Variants in CTPS2 observed in about 807,000 individuals in gnomAD.
CTPS2 encodes the protein CTP synthase 2.
CTPS2 carries 19 observed loss-of-function variants against 46.8 expected under a neutral mutation model. That is an observed-to-expected ratio of 0.41 (90% confidence interval 0.28 to 0.60). CTPS2 has a LOEUF of 0.60. Ranked by LOEUF, CTPS2 falls within the 20% of genes least tolerant of loss-of-function variation. CTPS2 has a pLI of 0.35. For synonymous variants in CTPS2, 151 were observed against 165.2 expected (o/e 0.91, Z 0.66); for missense variants, 286 against 447.6 (o/e 0.64, Z 3.26).
At chrX:16,634,058 C>T (rs1274111499) in intron 14 of CTPS2, among the ~76,000 whole-genome samples, 1 of 111,359 alleles carries the variant, frequency 9.0e-6, no homozygotes, top group Admixed American at 9.6e-5. Flanking sequence ...CTCCTTAACG[C>T]GATTAAATAC....
At chrX:16,647,386 G>A (rs1932378511) in intron 13 of CTPS2, among the ~76,000 whole-genome samples, 1 of 103,377 alleles carries the variant, frequency 9.7e-6, no homozygotes, top group Non-Finnish European at 1.9e-5. Flanking sequence ...TCCTGCCTCA[G>A]TTTCCCGAGT....
At chrX:16,619,998 G>A (rs766953310) in intron 15 of CTPS2, among the ~76,000 whole-genome samples, 1 of 111,481 alleles carries the variant, frequency 9.0e-6, no homozygotes, top group African/African-American at 3.3e-5. Flanking sequence ...GAAGATGGCA[G>A]TTAGAGTAAC....
chrX:16,611,397 G>A (rs1260342329), intron 16 of CTPS2, among the ~76,000 whole-genome samples: 1 of 109,979 alleles, frequency 9.1e-6, no homozygotes. Context: ...GTTGCCATGA[G>A]CCATGATAAT....
chrX:16,657,322 C>T (rs1932844625), intron 13 of CTPS2, among the ~76,000 whole-genome samples: 1 of 108,726 alleles, frequency 9.2e-6, no homozygotes, highest in African/African-American at 3.4e-5. Context: ...TACCCATGCT[C>T]CCACCTCATC....
intron 10 of CTPS2, among the ~76,000 whole-genome samples, chrX:16,676,509 G>A (rs1003104974): frequency 1.8e-5 from 2 of 112,173 alleles, no homozygotes; most frequent in African/African-American, 6.5e-5. Flanking sequence ...AAAGCCTATT[G>A]AAAAATAATT....
rs145555439 is a variant in CTPS2 at position 16,604,449 on chromosome X, G to A, written c.1691+5092C>T. ...TGTAGTGATTGCTCCCAAGAGCCTT[G>A]CAGGCAGCCACAGAGACACACATGC... is the stretch of plus-strand genomic sequence containing the variant. On this transcript the variant is annotated intron_variant, in intron 17 of 18. Transcript: ENST00000359276. Among the ~76,000 whole-genome samples the A allele has an allele frequency of 3.6e-3, 407 of 112,019 alleles. 4 individuals are homozygous for A. Among genetic ancestry groups the A allele is most frequent in the African/African-American group, 0.013 (390 of 30,868 alleles).
chrX:16,650,856 C>T (rs747224810), intron 13 of CTPS2: 66 of 493,945 alleles, frequency 1.3e-4, no homozygotes, highest in Non-Finnish European at 1.9e-4. Flanking sequence ...TGGTGCCATT[C>T]CGACCCCGAC....
At chrX:16,630,251 ATTTT>A (rs148128965) in intron 14 of CTPS2, among the ~76,000 whole-genome samples, 5 of 77,254 alleles carry the variant, frequency 6.5e-5, no homozygotes, top group Admixed American at 1.5e-4. Context: ...GTTGTGTTGT[ATTTT>A]TTTTTTTTTT....
intron 13 of CTPS2, among the ~76,000 whole-genome samples, chrX:16,657,928 G>A (rs1011596726): frequency 2.7e-5 from 3 of 111,717 alleles, no homozygotes; most frequent in African/African-American, 9.8e-5. Context: ...AAAGGTGGCC[G>A]GGCGCAGTGG....
chrX:16,669,274 C>A (rs150332695), intron 11 of CTPS2, among the ~76,000 whole-genome samples: 1 of 111,464 alleles, frequency 9.0e-6, no homozygotes, highest in Admixed American at 9.6e-5. Flanking sequence ...TTCACCAATT[C>A]TCTCCACTAA....
chrX:16,626,596 T>G (rs1931164390), intron 14 of CTPS2, among the ~76,000 whole-genome samples: 2 of 111,434 alleles, frequency 1.8e-5, no homozygotes, highest in Admixed American at 1.9e-4. Flanking sequence ...ATTAAAAATT[T>G]TTAAAATAAA....
At position 16,651,285 on chromosome X, in the gene CTPS2, G is replaced by A. The variant is rs1421584325; in HGVS notation, c.1297-12042C>T. On this transcript the variant is annotated intron_variant, in intron 13 of 18. Coordinates refer to ENST00000359276, the MANE Select transcript of CTPS2 (RefSeq NM_175859.3). The stretch of plus-strand genomic sequence containing the variant: ...GTGGGGTTTCTTCCCCTTAAGTCAG[G>A]CCACATTTCAGAAGGCAAGCTCTCA... The A allele has an allele frequency of 7.5e-6, 4 of 530,300 alleles. No individual in the cohort carries two copies. The East Asian group carries it at 1.4e-4, about 19-fold the overall frequency. 43.7% of individuals were successfully genotyped at this position (530,300 alleles called of 1,213,427 possible). A position where few individuals can be genotyped will look rare whatever the true frequency, so the allele number is the denominator to read the frequency against.
At chrX:16,629,140 C>G (rs1245924824) in intron 14 of CTPS2, among the ~76,000 whole-genome samples, 3 of 112,472 alleles carry the variant, frequency 2.7e-5, no homozygotes, top group Non-Finnish European at 5.6e-5. Context: ...AGGCTGGGCT[C>G]TTAACCACTC....
At chrX:16,679,861 CTG>C (rs1466459009) in intron 9 of CTPS2, among the ~76,000 whole-genome samples, 1 of 111,706 alleles carries the variant, frequency 9.0e-6, no homozygotes, top group Non-Finnish European at 1.9e-5. Context: ...GCCTCCAGAA[CTG>C]TGAGAGAGAA....
At chrX:16,706,254 T>C (rs1245759962) in intron 1 of CTPS2, among the ~76,000 whole-genome samples, 1 of 109,947 alleles carries the variant, frequency 9.1e-6, no homozygotes, top group African/African-American at 3.3e-5. Flanking sequence ...TGAAACCCTG[T>C]CTCTACTAAA....
At chrX:16,656,796 G>A (rs68156203) in intron 13 of CTPS2, among the ~76,000 whole-genome samples, 15,039 of 111,463 alleles carry the variant, frequency 0.13, 763 homozygotes, top group East Asian at 0.17. Flanking sequence ...TCTGCTATAC[G>A]GCTCTACCTT....
chrX:16,683,762 G>C (rs764608041), intron 8 of CTPS2, among the ~76,000 whole-genome samples: 2 of 112,149 alleles, frequency 1.8e-5, no homozygotes, highest in Non-Finnish European at 3.8e-5. Context: ...AGGTGACATT[G>C]TATAAAAAAA....
At chrX:16,698,472 G>A (rs1355996668) in intron 3 of CTPS2, 136 bp from the exon 4 acceptor site, 3 of 458,538 alleles carry the variant, frequency 6.5e-6, no homozygotes, top group South Asian at 7.4e-5. Flanking sequence ...AGAAAAAAAC[G>A]CAACAATTTT....
At chrX:16,684,509 C>CAAAAAAAAAA (rs1334791360) in intron 8 of CTPS2, among the ~76,000 whole-genome samples, 1 of 70,072 alleles carries the variant, frequency 1.4e-5, no homozygotes, top group African/African-American at 5.1e-5. Flanking sequence ...ACTCTGTCTC[C>CAAAAAAAAAA]AAAAAAAAAA....
Sources: gnomAD v4.1 joint callset for allele counts (sites outside exome capture counted in the v4.1 genomes callset) on GRCh38, gnomAD v4.1.1 for gene constraint, MANE v1.5 for transcripts, NCBI Gene and HGNC (gene_info 2026-07-23, HGNC 2026-07-21) for gene names.